Variants in ZDBF2 observed in about 807,000 individuals in gnomAD.
ZDBF2 encodes the protein DBF4-type zinc finger-containing protein 2.
ZDBF2 carries 6 observed loss-of-function variants against 9.4 expected under a neutral mutation model. The observed-to-expected ratio is 0.64, with a 90% CI of 0.35 to 1.27. The LOEUF is 1.27. Ranked by LOEUF, ZDBF2 falls within the 50% of genes most tolerant of loss-of-function variation. The probability of loss-of-function intolerance (pLI) is 0.03; values close to 1 mark genes in which losing one functional copy is unlikely to be tolerated. For synonymous variants in ZDBF2, 905 were observed against 946.3 expected, an observed-to-expected ratio of 0.96 and a Z score of 0.80; for missense variants, 2,697 against 2,766.8, an observed-to-expected ratio of 0.97 and a Z score of 0.57.
At chr2:206,302,143 G>T (rs565796269) in intron 4 of ZDBF2, among the ~76,000 whole-genome samples, 13 of 151,642 alleles carry the variant, frequency 8.6e-5, no homozygotes, top group Non-Finnish European at 1.5e-4. Context: ...TGAGTATCTG[G>T]GACTATAGAC....
chr2:206,289,661 C>T lies in ZDBF2; in HGVS notation c.61-7585C>T, dbSNP rs1036645774. Among the ~76,000 whole-genome samples, 8 of 152,288 alleles carry T rather than the reference C, an allele frequency of 5.3e-5. 1 individual carries two copies. In the South Asian group the frequency reaches 1.5e-3, roughly 28 times the overall value. ...AGTTCCACTTGCAAGATGGTGTAGC[C>T]ACATGGGTCACAGGGGTCAGGGCAC... On this transcript the variant is annotated intron_variant, in intron 3 of 4. Coordinates refer to ENST00000374423, the MANE Select transcript of ZDBF2 (RefSeq NM_020923.3).
Position 206,281,885 on chromosome 2 carries a change from T to C in ZDBF2, c.36T>C (p.Arg12=), listed in dbSNP as rs775134075. 14 of 1,613,274 alleles carry C rather than the reference T, an allele frequency of 8.7e-6. No homozygotes were observed. The highest frequency in any genetic ancestry group is 1.2e-5 in the Non-Finnish European group (14 of 1,179,592). Residue 12 remains arginine, a synonymous_variant, in exon 3 of 5, where the codon CGT becomes CGC. Transcript: ENST00000374423. ...QKRQGYCSYC[R]VQYNNLEQHL... Reference sequence around the variant, plus strand: ...GACAAGGATATTGCAGTTATTGCCGTGTGCAGTATAATAACCTGGAACAGG... The same window carrying C: ...GACAAGGATATTGCAGTTATTGCCGCGTGCAGTATAATAACCTGGAACAGG...
At chr2:206,282,946 G>T (rs991518240) in intron 3 of ZDBF2, among the ~76,000 whole-genome samples, 3 of 152,160 alleles carry the variant, frequency 2.0e-5, no homozygotes, top group African/African-American at 7.2e-5. Flanking sequence ...TGGATATTGC[G>T]TGTAAATGGA....
chr2:206,311,928 T>G lies in ZDBF2; in HGVS notation c.*335T>G, dbSNP rs1461219083. 1 of 164,170 alleles carries G rather than the reference T, an allele frequency of 6.1e-6. No homozygotes were observed. The highest frequency in any genetic ancestry group is 2.4e-5 in the African/African-American group (1 of 41,980). The allele number at this position is 164,170 out of a possible 1,614,324, so 10.2% of individuals were successfully genotyped here. ...GATTATCTCTCTCATGCCAGCAAAT[T>G]TAACATTGTGAGAATGAATATAGCA... On this transcript the variant is annotated 3_prime_UTR_variant, in exon 5 of 5. Transcript: ENST00000374423.
rs769695189 is a variant in ZDBF2 at position 206,304,735 on chromosome 2, A to G, written c.207A>G (p.Thr69=). 3 of 1,610,064 alleles carry G rather than the reference A, an allele frequency of 1.9e-6. No individual in the cohort carries two copies. The highest frequency in any genetic ancestry group is 1.7e-5 in the Admixed American group (1 of 59,392). ...CQESSSTQDE[T]HVNTGSSSEV... is the part of the protein sequence containing the mutation. Reference sequence around the variant, plus strand: ...GTTTTAGTTCAACACAAGATGAGACACATGTGAATACTGGGTCATCGTCTG... The same window carrying G: ...GTTTTAGTTCAACACAAGATGAGACGCATGTGAATACTGGGTCATCGTCTG... The change falls in exon 5 of 5, where the codon ACA becomes ACG. Residue 69 remains threonine, a synonymous_variant. Transcript: ENST00000374423.
intron 4 of ZDBF2, among the ~76,000 whole-genome samples, chr2:206,300,182 C>T (rs945210548): frequency 6.6e-6 from 1 of 152,146 alleles, no homozygotes; most frequent in Non-Finnish European, 1.5e-5. Context: ...GTTTTAAAAA[C>T]ACAAAAACCA....
In ZDBF2 at chr2:206,311,130, A is replaced by G. The variant is rs1693158145; in HGVS notation, c.6602A>G (p.Gln2201Arg). Residue 2201 changes from glutamine to arginine, a missense_variant, in exon 5 of 5, where the codon CAG becomes CGG. By Grantham distance (43) the Gln-to-Arg change is conservative. Around this residue, in one of 3 missense-constraint regions of ZDBF2, gnomAD observed 1,783 missense variants for 1,776.5 expected, o/e 1.00. Transcript: ENST00000374423. ...AAGGTTTATAAACCAATTATTCTCC[A>G]GCAAAAACCCAGAAAAGCTTCAGAG... ...PKKVYKPIILQQKPRKASEKQ... is the reference protein window; with the variant it reads ...PKKVYKPIILRQKPRKASEKQ... 5.0e-6 allele frequency: 8 copies of G among 1,613,920 alleles called. No homozygotes were observed. Among genetic ancestry groups the G allele is most frequent in the African/African-American group, 4.0e-5 (3 of 75,060 alleles).
chr2:206,307,167 T>G lies in ZDBF2; in HGVS notation c.2639T>G (p.Leu880Arg), dbSNP rs781067459. ...SEISSDSHAP[L>R]HSVTNSPEVA... ...ATAAGTTCGGATTCCCATGCCCCTC[T>G]TCATTCAGTGACTAATTCTCCCGAA... Residue 880 changes from leucine (L) to arginine (R), a missense_variant, in exon 5 of 5, where the codon CTT becomes CGT. Physicochemically the swap from Leu to Arg is moderately radical, Grantham distance 102 (BLOSUM62 -2). This residue lies in a region of ZDBF2 where 1,783 missense variants were observed against 1,776.5 expected (regional missense o/e 1.00). Coordinates refer to ENST00000374423, the MANE Select transcript of ZDBF2 (RefSeq NM_020923.3). 2 of 1,613,504 alleles carry G rather than the reference T, an allele frequency of 1.2e-6. No homozygotes were observed. Among genetic ancestry groups the G allele is most frequent in the South Asian group, 2.2e-5 (2 of 90,948 alleles).
chr2:206,285,127 C>G (rs948117675), intron 3 of ZDBF2, among the ~76,000 whole-genome samples: 12 of 152,144 alleles, frequency 7.9e-5, no homozygotes, highest in African/African-American at 2.9e-4. Flanking sequence ...GCAGATATCT[C>G]CTTGATATAC....
At position 206,307,482 on chromosome 2, in the gene ZDBF2, A is replaced by G. The variant is rs781513170; in HGVS notation, c.2954A>G (p.His985Arg). Residue 985 changes from histidine (H) to arginine (R), a missense_variant, in exon 5 of 5, where the codon CAC becomes CGC. Physicochemically the swap from His to Arg is conservative, Grantham distance 29 (BLOSUM62 0). This residue lies in a region of ZDBF2 where 1,783 missense variants were observed against 1,776.5 expected (regional missense o/e 1.00). Transcript: ENST00000374423. ...VKETWLQREK[H>R]AEFQGRSTEF... ...GAAACATGGCTTCAAAGAGAAAAGC[A>G]CGCTGAATTCCAAGGTAGAAGTACT... 3 of 1,613,232 alleles carry G rather than the reference A, an allele frequency of 1.9e-6. No homozygotes were observed. Among genetic ancestry groups the G allele is most frequent in the Middle Eastern group, 1.6e-4 (1 of 6,062 alleles).
chr2:206,309,128 G>A lies in ZDBF2; in HGVS notation c.4600G>A (p.Asp1534Asn), dbSNP rs1692995490. Reference sequence around the variant, plus strand: ...GGTACTTGTGGATCTGGTGCCCGGTGATAGTGATTATGAAGTAATTTCAGA... The same window carrying A: ...GGTACTTGTGGATCTGGTGCCCGGTAATAGTGATTATGAAGTAATTTCAGA... ...KVVLVDLVPG[D>N]SDYEVISDDI... The change falls in exon 5 of 5, where the codon GAT (aspartate) becomes AAT (asparagine). Residue 1534 changes from aspartate (D) to asparagine (N), a missense_variant. Physicochemically the swap from Asp to Asn is conservative, Grantham distance 23. Transcript: ENST00000374423. 1 of 1,613,646 alleles carries A rather than the reference G, an allele frequency of 6.2e-7. No individual in the cohort carries two copies. Among genetic ancestry groups the A allele is most frequent in the Non-Finnish European group, 8.5e-7 (1 of 1,179,732 alleles).
rs750480614 is a variant in ZDBF2, at chr2:206,310,718, C to T, written c.6190C>T (p.Pro2064Ser). Reference protein sequence around the residue: ...EPLIKQIVISPPLSVIVPEFE... With the variant: ...EPLIKQIVISSPLSVIVPEFE... ...CTTGATTAAGCAAATTGTAATTAGT[C>T]CTCCCCTGAGTGTAATAGTACCAGA... is the stretch of plus-strand genomic sequence containing the variant. The change falls in exon 5 of 5, where the codon CCT (proline) becomes TCT (serine). Residue 2064 changes from proline to serine, a missense_variant. Coordinates refer to ENST00000374423, the MANE Select transcript of ZDBF2 (RefSeq NM_020923.3). 6.2e-7 allele frequency: 1 copy of T among 1,613,526 alleles called. No individual in the cohort carries two copies. Among genetic ancestry groups the T allele is most frequent in the Admixed American group, 1.7e-5 (1 of 60,000 alleles).
chr2:206,288,570 G>C (rs1353458878), intron 3 of ZDBF2, among the ~76,000 whole-genome samples: 2 of 152,224 alleles, frequency 1.3e-5, no homozygotes, highest in African/African-American at 4.8e-5. Context: ...GCTTGGAGTG[G>C]TTGTGGGACC....
chr2:206,305,233 T>C lies in ZDBF2; in HGVS notation c.705T>C (p.Ser235=). ...EKYLEQPDGA[S]RNPVPSSHVE... ...ATCTTGAACAGCCAGATGGGGCCTC[T>C]AGAAATCCTGTGCCATCATCCCATG... The change falls in exon 5 of 5, where the codon TCT becomes TCC. Residue 235 remains serine (S), a synonymous_variant. Transcript: ENST00000374423. 1 of 1,613,842 alleles carries C rather than the reference T, an allele frequency of 6.2e-7. No homozygotes were observed.
intron 4 of ZDBF2, among the ~76,000 whole-genome samples, chr2:206,303,656 G>A (rs1692618471): frequency 1.3e-5 from 2 of 152,216 alleles, no homozygotes; most frequent in South Asian, 2.1e-4. Context: ...AATTCACAGT[G>A]CACGTTCAAA....
intron 2 of ZDBF2, among the ~76,000 whole-genome samples, chr2:206,280,402 A>G (rs1274343944): frequency 6.6e-6 from 1 of 152,236 alleles, no homozygotes. Context: ...TTATTCAATG[A>G]ATGTTTTAAT....
At chr2:206,276,347 C>T (rs1000851945) in intron 1 of ZDBF2, among the ~76,000 whole-genome samples, 1 of 151,918 alleles carries the variant, frequency 6.6e-6, no homozygotes, top group South Asian at 2.1e-4. Flanking sequence ...CGTGTGTGCT[C>T]GGTTGTAATT....
intron 3 of ZDBF2, among the ~76,000 whole-genome samples, chr2:206,291,509 C>T (rs1236071912): frequency 2.0e-5 from 3 of 152,158 alleles, no homozygotes; most frequent in Admixed American, 1.3e-4. Context: ...GGCGATTTCT[C>T]TTCCTATTTT....
At position 206,281,811 on chromosome 2, in the gene ZDBF2, CAA is replaced by C. The variant is rs756742501; in HGVS notation, c.-37_-36del. On this transcript the variant is annotated 5_prime_UTR_variant, in exon 3 of 5. Transcript: ENST00000374423. Reference sequence around the variant, plus strand: ...CTTTTTGTTTTTCAGCTTGAGTATTCAAAGACAGTAGCCATCTGACTTCAGTT... The same window carrying C: ...CTTTTTGTTTTTCAGCTTGAGTATTCAGACAGTAGCCATCTGACTTCAGTT... The C allele has an allele frequency of 4.4e-6, 7 of 1,597,140 alleles. No homozygotes were observed. The Admixed American group carries it at 6.9e-5, about 16-fold the overall frequency.
Sources: gnomAD v4.1 joint callset for allele counts (sites outside exome capture counted in the v4.1 genomes callset) on GRCh38, gnomAD v4.1.1 for gene constraint, gnomAD v4.1.1 regional missense constraint, MANE v1.5 for transcripts, NCBI Gene and HGNC (gene_info 2026-07-23, HGNC 2026-07-21) for gene names.